Variants in KLHL1 observed in about 807,000 individuals in gnomAD.
KLHL1 encodes kelch like family member 1, also known as kelch-like protein 1.
Under a neutral mutation model 77.7 loss-of-function variants are expected in KLHL1, and 47 were observed. The observed-to-expected ratio is 0.60, with a 90% CI of 0.48 to 0.77. The LOEUF (loss-of-function observed/expected upper bound fraction) is 0.77, where lower values mean the gene tolerates loss of function less well. Among genes scored for constraint, KLHL1 ranks in the 30% least tolerant of loss-of-function variants. The pLI is 0.00. For synonymous variants in KLHL1, 360 were observed against 325.2 expected (o/e 1.11, Z -1.15); for missense variants, 925 against 910.8 (o/e 1.02, Z -0.20).
Position 70,000,475 on chromosome 13 carries a change from A to G in KLHL1, c.498-24673T>C, listed in dbSNP as rs2165517. Among the ~76,000 whole-genome samples the G allele has an allele frequency of 9.9e-3, 1,505 of 152,150 alleles. 25 individuals are homozygous for G. Among genetic ancestry groups the G allele is most frequent in the African/African-American group, 0.034 (1,418 of 41,550 alleles). ...CATTAGTTATATAATACCGTTAGTA[A>G]GCCTGATTTACTAAATATATAGAGA... On this transcript the variant is annotated intron_variant, in intron 1 of 10. Transcript: ENST00000377844.
chr13:69,988,360 A>G (rs1271542036), intron 1 of KLHL1, among the ~76,000 whole-genome samples: 1 of 152,000 alleles, frequency 6.6e-6, no homozygotes, highest in African/African-American at 2.4e-5. Context: ...TATCCAGCCT[A>G]TGGTTGTTTG....
At chr13:69,854,890 A>G (rs1349500634) in intron 5 of KLHL1, among the ~76,000 whole-genome samples, 1 of 152,030 alleles carries the variant, frequency 6.6e-6, no homozygotes, top group Non-Finnish European at 1.5e-5. Context: ...CCAGTTTTTC[A>G]TCTCTCAAGT....
intron 1 of KLHL1, among the ~76,000 whole-genome samples, chr13:70,101,514 C>T (rs1002289778): frequency 2.6e-5 from 4 of 152,030 alleles, no homozygotes; most frequent in Admixed American, 2.0e-4. Context: ...CTGTAACATC[C>T]GCCTCCAGGG....
chr13:69,973,024 T>G (rs1403695063), intron 2 of KLHL1, among the ~76,000 whole-genome samples: 2 of 152,058 alleles, frequency 1.3e-5, no homozygotes, highest in South Asian at 2.1e-4. Flanking sequence ...AAAGTGATAT[T>G]CCTCTTAGGA....
chr13:70,020,680 C>T (rs984800948), intron 1 of KLHL1, among the ~76,000 whole-genome samples: 1 of 152,024 alleles, frequency 6.6e-6, no homozygotes, highest in African/African-American at 2.4e-5. Flanking sequence ...GCAGTCATCA[C>T]AAGTCGGCTG....
intron 1 of KLHL1, among the ~76,000 whole-genome samples, chr13:70,090,042 GAA>G (rs1449727351): frequency 3.9e-5 from 6 of 152,014 alleles, no homozygotes; most frequent in Admixed American, 3.9e-4. Flanking sequence ...ATTGATAATA[GAA>G]TTAATCGTCA....
chr13:69,744,890 G>T (rs908690222), intron 7 of KLHL1, among the ~76,000 whole-genome samples: 1 of 151,958 alleles, frequency 6.6e-6, no homozygotes, highest in Non-Finnish European at 1.5e-5. Context: ...ATGAAAATTT[G>T]CATGGTTTCC....
intron 1 of KLHL1, among the ~76,000 whole-genome samples, chr13:69,994,333 T>C (rs1229374804): frequency 6.6e-6 from 1 of 152,126 alleles, no homozygotes; most frequent in Non-Finnish European, 1.5e-5. Context: ...TTGAACTCTT[T>C]CCTTAAGCCT....
chr13:69,974,221 A>C (rs190797882), intron 2 of KLHL1, among the ~76,000 whole-genome samples: 121 of 151,724 alleles, frequency 8.0e-4, no homozygotes, highest in African/African-American at 2.8e-3. Flanking sequence ...CTTAAGAAAC[A>C]CATCAATGAT....
In KLHL1 at chr13:69,739,610, C is replaced by A. The variant is rs369988803; in HGVS notation, c.1802+784G>T. On this transcript the variant is annotated intron_variant, in intron 8 of 10. Transcript: ENST00000377844. ...CAGGGGTTGCAATCCTAGTTTCTGA[C>A]AAAATAGACTTTAAATCAACAAAGA... 4.3e-4 allele frequency among the ~76,000 whole-genome samples: 66 copies of A among 152,168 alleles called. No homozygotes were observed. In the South Asian group the frequency reaches 0.013, roughly 30 times the overall value.
intron 1 of KLHL1, among the ~76,000 whole-genome samples, chr13:70,006,502 G>GCTT (rs1885408693): frequency 7.2e-6 from 1 of 139,048 alleles, no homozygotes; most frequent in African/African-American, 2.7e-5. Context: ...TCCCCCTCAA[G>GCTT]TTTTTTTTTT....
At chr13:70,039,056 A>ATTTTTTTTT (rs35184766) in intron 1 of KLHL1, among the ~76,000 whole-genome samples, 1 of 124,696 alleles carries the variant, frequency 8.0e-6, no homozygotes, top group Non-Finnish European at 1.6e-5. Context: ...TCCTTTGCAC[A>ATTTTTTTTT]TTTTTTTTTT....
intron 2 of KLHL1, among the ~76,000 whole-genome samples, chr13:69,965,849 A>T (rs1884196746): frequency 6.6e-6 from 1 of 152,176 alleles, no homozygotes; most frequent in Non-Finnish European, 1.5e-5. Flanking sequence ...CTTGAGCCAA[A>T]GCCTAATCCA....
intron 4 of KLHL1, among the ~76,000 whole-genome samples, chr13:69,923,795 C>G (rs770871189): frequency 7.4e-4 from 113 of 152,240 alleles, no homozygotes; most frequent in Admixed American, 6.5e-4. Flanking sequence ...GAGGCAGAAG[C>G]CCTGCTGCCT....
At chr13:69,940,342 C>T (rs1335455684) in intron 3 of KLHL1, 106 bp from the exon 4 acceptor site, 2 of 724,754 alleles carry the variant, frequency 2.8e-6, no homozygotes, top group Non-Finnish European at 4.2e-6. Flanking sequence ...CAGATCTAAA[C>T]TGAGATTGGT....
intron 4 of KLHL1, among the ~76,000 whole-genome samples, chr13:69,921,812 G>A (rs1460300289): frequency 4.6e-5 from 7 of 151,678 alleles, no homozygotes; most frequent in East Asian, 3.9e-4. Flanking sequence ...AGTCAGTTCC[G>A]CATAGATATA....
chr13:69,741,590 C>A (rs559019436), intron 7 of KLHL1, among the ~76,000 whole-genome samples: 164 of 152,234 alleles, frequency 1.1e-3, no homozygotes, highest in African/African-American at 3.8e-3. Context: ...ATAGGGTGAT[C>A]CAAAGAAGGT....
intron 1 of KLHL1, among the ~76,000 whole-genome samples, chr13:69,977,721 C>A (rs1047442573): frequency 2.0e-5 from 3 of 152,084 alleles, no homozygotes; most frequent in Admixed American, 1.3e-4. Context: ...TTTATTGAAC[C>A]TCTTCCTCTT....
At chr13:69,796,249 T>G (rs1168944796) in intron 7 of KLHL1, among the ~76,000 whole-genome samples, 3 of 152,178 alleles carry the variant, frequency 2.0e-5, no homozygotes, top group African/African-American at 7.2e-5. Flanking sequence ...TAATGATAAT[T>G]GATGACATTG....
Sources: gnomAD v4.1 joint callset for allele counts (sites outside exome capture counted in the v4.1 genomes callset) on GRCh38, gnomAD v4.1.1 for gene constraint, MANE v1.5 for transcripts, NCBI Gene and HGNC (gene_info 2026-07-23, HGNC 2026-07-21) for gene names.